The following SUSD6 variants were observed in gnomAD, a reference collection of about 807,000 sequenced individuals.
SUSD6 encodes the protein sushi domain-containing protein 6.
A neutral mutation model predicts 28.4 loss-of-function variants in SUSD6; 16 were observed. That is an observed-to-expected ratio of 0.56 (90% confidence interval 0.38 to 0.86). The LOEUF (loss-of-function observed/expected upper bound fraction) is 0.86. Among genes scored for constraint, SUSD6 ranks in the 40% least tolerant of loss-of-function variants. SUSD6 has a pLI of 0.00. For synonymous variants in SUSD6, 147 were observed against 159.6 expected (o/e 0.92, Z 0.59); for missense variants, 341 against 384.2 (o/e 0.89, Z 0.94).
intron 2 of SUSD6, among the ~76,000 whole-genome samples, chr14:69,681,752 A>C (rs972973170): frequency 6.6e-6 from 1 of 152,212 alleles, no homozygotes; most frequent in Non-Finnish European, 1.5e-5. Flanking sequence ...TGCAGTGATC[A>C]TGGCAAAGGT....
At chr14:69,667,294 A>G (rs191720709) in intron 2 of SUSD6, among the ~76,000 whole-genome samples, 126 of 151,716 alleles carry the variant, frequency 8.3e-4, no homozygotes, top group African/African-American at 3.0e-3. Context: ...CTGGATTGCA[A>G]ATGACCCAGT....
At chr14:69,685,744 G>A (rs889879392) in intron 2 of SUSD6, among the ~76,000 whole-genome samples, 1 of 152,250 alleles carries the variant, frequency 6.6e-6, no homozygotes, top group Non-Finnish European at 1.5e-5. Flanking sequence ...CCGTGGTGGG[G>A]GAGTGAGAGG....
At chr14:69,701,640 TC>T (rs1216040105) in intron 2 of SUSD6, among the ~76,000 whole-genome samples, 1 of 152,224 alleles carries the variant, frequency 6.6e-6, no homozygotes, top group Non-Finnish European at 1.5e-5. Context: ...CGTTTTTCTT[TC>T]TCCTGTTCAA....
intron 5 of SUSD6, 24 bp from the exon 6 acceptor site, chr14:69,710,930 G>A (rs1206025377): frequency 6.2e-7 from 1 of 1,613,728 alleles, no homozygotes; most frequent in Non-Finnish European, 8.5e-7. Flanking sequence ...TAACCACTGT[G>A]CTTTTCTTCT....
At chr14:69,662,010 C>A (rs1298305965) in intron 2 of SUSD6, among the ~76,000 whole-genome samples, 1 of 152,118 alleles carries the variant, frequency 6.6e-6, no homozygotes, top group African/African-American at 2.4e-5. Context: ...TCTCGAACTC[C>A]TGGGCTGAAG....
intron 1 of SUSD6, among the ~76,000 whole-genome samples, chr14:69,628,344 T>C (rs1885145519): frequency 6.6e-6 from 1 of 152,182 alleles, no homozygotes; most frequent in African/African-American, 2.4e-5. Flanking sequence ...CTCATAGAAT[T>C]TGAAGGTTGC....
At chr14:69,684,610 G>A (rs1886044903) in intron 2 of SUSD6, among the ~76,000 whole-genome samples, 3 of 152,216 alleles carry the variant, frequency 2.0e-5, no homozygotes, top group Admixed American at 6.5e-5. Flanking sequence ...GGCTGGGCCT[G>A]CTGACTTGCC....
intron 2 of SUSD6, among the ~76,000 whole-genome samples, chr14:69,698,620 C>G (rs761167415): frequency 5.3e-5 from 8 of 152,174 alleles, no homozygotes; most frequent in Non-Finnish European, 1.2e-4. Context: ...ACCAACAAAA[C>G]CAGGGAACCT....
Position 69,708,730 on chromosome 14 carries a change from A to T in SUSD6, c.512A>T (p.Gln171Leu). ...DQVSIMVDGVQVALPSYEEAV... is the reference protein window; with the variant it reads ...DQVSIMVDGVLVALPSYEEAV... ...GTCTCCATCATGGTGGATGGAGTCC[A>T]GGTTGCACTACCATCATACGAGGAG... is the stretch of plus-strand genomic sequence containing the variant. The change falls in exon 5 of 6, where the codon CAG becomes CTG. Residue 171 changes from glutamine (Q) to leucine (L), a missense_variant. Transcript: ENST00000342745. The T allele has an allele frequency of 6.2e-7, 1 of 1,611,604 alleles. No homozygotes were observed. The highest frequency in any genetic ancestry group is 8.5e-7 in the Non-Finnish European group (1 of 1,178,636).
intron 2 of SUSD6, among the ~76,000 whole-genome samples, chr14:69,684,766 A>G (rs1482193382): frequency 6.6e-6 from 1 of 152,210 alleles, no homozygotes; most frequent in African/African-American, 2.4e-5. Flanking sequence ...GTTAGCCTTG[A>G]CTTCCCCTGC....
chr14:69,664,123 C>T (rs1414312170), intron 2 of SUSD6, among the ~76,000 whole-genome samples: 1 of 152,056 alleles, frequency 6.6e-6, no homozygotes, highest in East Asian at 1.9e-4. Flanking sequence ...GTACCACAGG[C>T]GCCCGCCACC....
intron 1 of SUSD6, among the ~76,000 whole-genome samples, chr14:69,620,944 T>C (rs1349408795): frequency 6.6e-6 from 1 of 152,228 alleles, no homozygotes; most frequent in African/African-American, 2.4e-5. Context: ...CCCTCAAGCC[T>C]CAATTTTAGA....
At chr14:69,638,107 A>C (rs551689831) in intron 1 of SUSD6, among the ~76,000 whole-genome samples, 1 of 152,190 alleles carries the variant, frequency 6.6e-6, no homozygotes, top group Non-Finnish European at 1.5e-5. Context: ...CAAAAAACAG[A>C]AACAAAAACA....
intron 2 of SUSD6, among the ~76,000 whole-genome samples, chr14:69,697,069 G>A (rs1411943204): frequency 1.3e-5 from 2 of 152,274 alleles, no homozygotes; most frequent in African/African-American, 4.8e-5. Context: ...GGAATTCCTG[G>A]AACTGAGGGT....
intron 1 of SUSD6, among the ~76,000 whole-genome samples, chr14:69,630,086 T>C (rs1229489631): frequency 6.6e-6 from 1 of 152,214 alleles, no homozygotes; most frequent in African/African-American, 2.4e-5. Context: ...AGCTAACATA[T>C]ATTGAATGCT....
At chr14:69,641,799 C>T (rs1885357989) in intron 1 of SUSD6, among the ~76,000 whole-genome samples, 1 of 149,768 alleles carries the variant, frequency 6.7e-6, no homozygotes, top group Admixed American at 6.6e-5. Flanking sequence ...GAGGGGGGGT[C>T]TCCCTATGTT....
intron 1 of SUSD6, among the ~76,000 whole-genome samples, chr14:69,637,483 G>A (rs1361831998): frequency 1.3e-5 from 2 of 152,116 alleles, no homozygotes; most frequent in African/African-American, 2.4e-5. Context: ...ACCCCAGTGC[G>A]CTCTGGGAAC....
rs533868850 is a variant in SUSD6, at chr14:69,666,996, T to TGTAGTAG, written c.121+8283_121+8284insGTAGTAG. Among the ~76,000 whole-genome samples the TGTAGTAG allele has an allele frequency of 7.2e-4, 110 of 152,340 alleles. 1 individual carries two copies. In the South Asian group the frequency reaches 0.015, roughly 21 times the overall value. On this transcript the variant is annotated intron_variant, in intron 2 of 5. Coordinates refer to ENST00000342745, the MANE Select transcript of SUSD6 (RefSeq NM_014734.4). The stretch of plus-strand genomic sequence containing the variant: ...TATGAAATACAAAGGGCTTGATCAA[T>TGTAGTAG]TCTTCCCATGTAGTAGACACATGTC...
At chr14:69,659,032 C>G (rs1885625777) in intron 2 of SUSD6, among the ~76,000 whole-genome samples, 1 of 152,288 alleles carries the variant, frequency 6.6e-6, no homozygotes, top group Admixed American at 6.5e-5. Context: ...AATCAGACTG[C>G]CTGTGTTCAG....
Sources: gnomAD v4.1 joint callset for allele counts (sites outside exome capture counted in the v4.1 genomes callset) on GRCh38, gnomAD v4.1.1 for gene constraint, MANE v1.5 for transcripts, NCBI Gene and HGNC (gene_info 2026-07-23, HGNC 2026-07-21) for gene names.